The following FSD1 variants were observed in gnomAD, a reference collection of about 807,000 sequenced individuals.
The protein encoded by FSD1 is fibronectin type III and SPRY domain-containing protein 1.
FSD1 carries 23 observed loss-of-function variants against 58.2 expected under a neutral mutation model. The observed-to-expected ratio is 0.40, with a 90% CI of 0.28 to 0.56. FSD1 has a LOEUF of 0.56. Ranked by LOEUF, FSD1 falls within the 20% of genes least tolerant of loss-of-function variation. The pLI is 0.54. For synonymous variants in FSD1, 265 were observed against 263.4 expected, an observed-to-expected ratio of 1.01 and a Z score of -0.06; for missense variants, 563 against 670.8, an observed-to-expected ratio of 0.84 and a Z score of 1.78.
intron 3 of FSD1, among the ~76,000 whole-genome samples, chr19:4,306,951 C>G (rs1042359675): frequency 6.6e-6 from 1 of 152,238 alleles, no homozygotes; most frequent in Non-Finnish European, 1.5e-5. Flanking sequence ...TGGAGTCACA[C>G]AGGCTGCATC....
chr19:4,313,246 T>A (rs570398492), intron 7 of FSD1, among the ~76,000 whole-genome samples: 9 of 147,918 alleles, frequency 6.1e-5, no homozygotes, highest in Admixed American at 2.7e-4. Context: ...GAGGCTAAGG[T>A]GGGAGGATTG....
At position 4,323,056 on chromosome 19, in the gene FSD1, C is replaced by T. The variant is rs151077874; in HGVS notation, c.1110C>T (p.Gly370=). The change falls in exon 11 of 13, where the codon GGC becomes GGT. Residue 370 remains glycine, a synonymous_variant. Coordinates refer to ENST00000221856, the MANE Select transcript of FSD1 (RefSeq NM_024333.3). This position sits in a 1 kb window ranked among gnomAD's most constrained non-coding sequence, Gnocchi z 7.7. ...ACGAGCCGGACAGCAAGGCGTTCGG[C>T]GTGGGCGTGGCCTACCGCAGCCTGG... ...VRYEPDSKAF[G]VGVAYRSLGR... 10,856 of 1,611,634 alleles carry T rather than the reference C, an allele frequency of 6.7e-3. 52 individuals are homozygous for T. The highest frequency in any genetic ancestry group is 7.5e-3 in the Non-Finnish European group (8,887 of 1,179,590).
intron 4 of FSD1, among the ~76,000 whole-genome samples, chr19:4,309,146 G>A (rs1971660164): frequency 6.6e-6 from 1 of 152,070 alleles, no homozygotes; most frequent in Non-Finnish European, 1.5e-5. Context: ...TACTCAAGAG[G>A]CTGAAGTGGG....
rs540654371 is a variant in FSD1, at chr19:4,307,769, C to T, written c.244-113C>T. On this transcript the variant is annotated intron_variant, in intron 3 of 12. Coordinates refer to ENST00000221856, the MANE Select transcript of FSD1 (RefSeq NM_024333.3). ...TCAAGGCTCCAATCTCCATCTCTCACCTGGAGTTCGAGAAGGGCATGGTAC... is the reference window on the plus strand; with the variant it reads ...TCAAGGCTCCAATCTCCATCTCTCATCTGGAGTTCGAGAAGGGCATGGTAC... 9 of 707,726 alleles carry T rather than the reference C, an allele frequency of 1.3e-5. No individual in the cohort carries two copies. In the East Asian group the frequency reaches 1.7e-4, roughly 14 times the overall value. The allele number at this position is 707,726 out of a possible 1,614,324, so 43.8% of individuals were successfully genotyped here. A position where few individuals can be genotyped will look rare whatever the true frequency, so the allele number is the denominator to read the frequency against.
In FSD1 at chr19:4,311,899, C is replaced by G; in HGVS notation, c.548C>G (p.Thr183Ser). ...AESLVADNCV[T>S]LVWRMPDEDS... is the part of the protein sequence containing the mutation. ...TCCCTGGTGGCAGATAACTGTGTGA[C>G]CCTGGTGTGGCGCATGCCGGATGAG... The change falls in exon 7 of 13, where the codon ACC (threonine) becomes AGC (serine). Residue 183 changes from threonine to serine, a missense_variant. By Grantham distance (58) the Thr-to-Ser change is moderately conservative. Coordinates refer to ENST00000221856, the MANE Select transcript of FSD1 (RefSeq NM_024333.3). 1 of 1,614,180 alleles carries G rather than the reference C, an allele frequency of 6.2e-7. No individual in the cohort carries two copies. Among genetic ancestry groups the G allele is most frequent in the South Asian group, 1.1e-5 (1 of 91,086 alleles).
intron 4 of FSD1, among the ~76,000 whole-genome samples, chr19:4,309,384 G>C (rs1971662830): frequency 6.6e-6 from 1 of 152,206 alleles, no homozygotes; most frequent in South Asian, 2.1e-4. Flanking sequence ...ATGGGACATA[G>C]TCATGATTTA....
intron 6 of FSD1, chr19:4,310,878 G>A: frequency 3.0e-6 from 1 of 334,352 alleles, no homozygotes; most frequent in South Asian, 3.7e-5. Flanking sequence ...CTGTGGGGTT[G>A]GTTGAGTCCT....
chr19:4,323,632 A>G lies in FSD1; in HGVS notation c.1480A>G (p.Ser494Gly). Residue 494 changes from serine (S) to glycine (G), a missense_variant, in exon 13 of 13, where the codon AGC becomes GGC. Ser to Gly is a moderately conservative substitution (Grantham distance 56, BLOSUM62 0). Coordinates refer to ENST00000221856, the MANE Select transcript of FSD1 (RefSeq NM_024333.3). This position sits in a 1 kb window ranked among gnomAD's most constrained non-coding sequence, Gnocchi z 7.7. ...CAGTGCTACCAGCAGCTCCAACACC[A>G]GCCTCACCTAGGCCCCCAGGCACCC... ...RGSATSSSNT[S>G]LT is the part of the protein sequence containing the mutation. 6.2e-7 allele frequency: 1 copy of G among 1,611,004 alleles called. No individual in the cohort carries two copies. The highest frequency in any genetic ancestry group is 8.5e-7 in the Non-Finnish European group (1 of 1,178,018).
At chr19:4,310,831 T>C in intron 6 of FSD1, 1 of 482,600 alleles carries the variant, frequency 2.1e-6, no homozygotes, top group Non-Finnish European at 3.8e-6. Context: ...CTGGGAAAAC[T>C]CTGTACCCAG....
In FSD1 at chr19:4,317,189, G is replaced by A; in HGVS notation, c.708G>A (p.Lys236=). The change falls in exon 8 of 13, where the codon AAG becomes AAA. Residue 236 remains lysine, a synonymous_variant. Transcript: ENST00000221856. ...RQTEYTLTGL[K]FDMKYMNFRV... is the part of the protein sequence containing the mutation. ...GCCTCTCTTGCCTACCAGGTCTCAA[G>A]TTTGACATGAAATACATGAACTTCC... 2 of 1,605,278 alleles carry A rather than the reference G, an allele frequency of 1.2e-6. No homozygotes were observed. The highest frequency in any genetic ancestry group is 1.7e-6 in the Non-Finnish European group (2 of 1,172,076).
At chr19:4,308,698 AT>A (rs1971653124) in intron 4 of FSD1, among the ~76,000 whole-genome samples, 1 of 152,280 alleles carries the variant, frequency 6.6e-6, no homozygotes, top group African/African-American at 2.4e-5. Context: ...CTAAAAAAAA[AT>A]ACAAATAAAT....
Position 4,310,312 on chromosome 19 carries a change from T to G in FSD1, c.368+17T>G. 6.2e-7 allele frequency: 1 copy of G among 1,613,796 alleles called. No individual in the cohort carries two copies. Among genetic ancestry groups the G allele is most frequent in the Non-Finnish European group, 8.5e-7 (1 of 1,179,632 alleles). On this transcript the variant is annotated intron_variant, in intron 5 of 12. Coordinates refer to ENST00000221856, the MANE Select transcript of FSD1 (RefSeq NM_024333.3). ...CAAAGATGGGTAAGACACTGGGGTCTGGCCCCCACCCCACTACCCTGCCCC... is the reference window on the plus strand; with the variant it reads ...CAAAGATGGGTAAGACACTGGGGTCGGGCCCCCACCCCACTACCCTGCCCC...
At chr19:4,322,683 G>A (rs10460199) in intron 10 of FSD1, among the ~76,000 whole-genome samples, 821 of 102,924 alleles carry the variant, frequency 8.0e-3, no homozygotes, top group African/African-American at 0.011. Context: ...GAGTATCTGG[G>A]GGGAATAGCT....
chr19:4,311,293 G>A (rs1337023098), intron 6 of FSD1: 5 of 157,430 alleles, frequency 3.2e-5, no homozygotes, highest in African/African-American at 9.7e-5. Flanking sequence ...AAAGAAAGCC[G>A]CATCCCTCAT....
In FSD1 at chr19:4,313,726, A is replaced by C. The variant is rs556610546; in HGVS notation, c.700+1675A>C. 7.6e-3 allele frequency among the ~76,000 whole-genome samples: 1,135 copies of C among 150,166 alleles called. 7 individuals carry two copies. The highest frequency in any genetic ancestry group is 0.013 in the Non-Finnish European group (862 of 67,526). ...AGCGAGACTCCGTCTCAAAAAAAAA[A>C]AAAACAAAAAGCCATCCTGGCCAGG... On this transcript the variant is annotated intron_variant, in intron 7 of 12. Transcript: ENST00000221856.
Position 4,317,212 on chromosome 19 carries a change from TC to T in FSD1, c.733del (p.Arg245ValfsTer2). 1 of 1,612,678 alleles carries T rather than the reference TC, an allele frequency of 6.2e-7. No individual in the cohort carries two copies. Among genetic ancestry groups the T allele is most frequent in the East Asian group, 2.2e-5 (1 of 44,862 alleles). ...GLKFDMKYMNFRVKACNKAVA... is the reference protein window; with the variant it reads ...GLKFDMKYMNXRVKACNKAVA... ...AAGTTTGACATGAAATACATGAACT[TC>T]CGTGTGAAGGCCTGTAACAAGGCAG... On this transcript the variant is annotated frameshift_variant, in exon 8 of 13. Coordinates refer to ENST00000221856, the MANE Select transcript of FSD1 (RefSeq NM_024333.3). LOFTEE classifies it high-confidence loss of function.
intron 4 of FSD1, among the ~76,000 whole-genome samples, chr19:4,308,407 C>G (rs1971648791): frequency 6.6e-6 from 1 of 151,786 alleles, no homozygotes; most frequent in Non-Finnish European, 1.5e-5. Context: ...GACTTCATCT[C>G]AAAAACAAAG....
chr19:4,323,746 T>G lies in FSD1; in HGVS notation c.*103T>G. On this transcript the variant is annotated 3_prime_UTR_variant, in exon 13 of 13. Coordinates refer to ENST00000221856, the MANE Select transcript of FSD1 (RefSeq NM_024333.3). This position sits in a 1 kb window ranked among gnomAD's most constrained non-coding sequence, Gnocchi z 7.7. ...CCTCTGTCACTTGCTGCTTGGAGCC[T>G]TAACTCCAGATGGGGGGGTCACCAA... The G allele has an allele frequency of 1.3e-6, 1 of 795,644 alleles. No homozygotes were observed. The highest frequency in any genetic ancestry group is 2.0e-6 in the Non-Finnish European group (1 of 499,962). 49.3% of individuals were successfully genotyped at this position (795,644 alleles called of 1,614,324 possible).
intron 7 of FSD1, 50 bp downstream of exon 7, chr19:4,312,101 C>A: frequency 1.4e-6 from 2 of 1,473,020 alleles, no homozygotes; most frequent in Middle Eastern, 2.2e-4. Flanking sequence ...GCCACCTCTT[C>A]CAGCCTCCCG....
Sources: allele counts gnomAD v4.1 joint callset (sites outside exome capture counted in the v4.1 genomes callset), GRCh38; gene constraint gnomAD v4.1.1; non-coding constraint Gnocchi (gnomAD v3.1); transcripts MANE v1.5; gene names NCBI Gene and HGNC (gene_info 2026-07-23, HGNC 2026-07-21).